TAF2: variants seen among roughly 807,000 people sequenced by gnomAD.
TAF2 encodes the protein TATA-box binding protein associated factor 2.
In TAF2, 61 loss-of-function variants were observed where a neutral mutation model predicts 138.5. That is an observed-to-expected ratio of 0.44 (90% CI 0.36 to 0.54). The LOEUF (loss-of-function observed/expected upper bound fraction) is 0.54. TAF2 is among the 20% of genes least tolerant of loss of function. The pLI, the probability that TAF2 is intolerant of heterozygous loss-of-function variation, is 0.00. For synonymous variants in TAF2, 475 were observed against 469.9 expected, an observed-to-expected ratio of 1.01 and a Z score of -0.14; for missense variants, 1,090 against 1,427.9, an observed-to-expected ratio of 0.76 and a Z score of 3.81.
chr8:119,801,954 G>T lies in TAF2; in HGVS notation c.632C>A (p.Ala211Glu). ...ATCGCCATTAGAAACAGCAACCATT[G>T]CAGCATCTACTGTAAATTCTAATTT... Reference protein sequence around the residue: ...TWKLEFTVDAAMVAVSNGDLV... With the variant: ...TWKLEFTVDAEMVAVSNGDLV... Residue 211 changes from alanine (A) to glutamate (E), a missense_variant, in exon 6 of 26, where the codon GCA becomes GAA. Coordinates refer to ENST00000378164, the MANE Select transcript of TAF2 (RefSeq NM_003184.4). The T allele has an allele frequency of 6.2e-7, 1 of 1,614,134 alleles. No homozygotes were observed. Among genetic ancestry groups the T allele is most frequent in the African/African-American group, 1.3e-5 (1 of 75,028 alleles).
At chr8:119,769,209 A>T (rs1821656519) in intron 18 of TAF2, among the ~76,000 whole-genome samples, 2 of 152,198 alleles carry the variant, frequency 1.3e-5, no homozygotes, top group South Asian at 4.1e-4. Context: ...GCATTACCCA[A>T]CACAAACCCT....
chr8:119,803,641 G>C (rs768798432), intron 5 of TAF2, among the ~76,000 whole-genome samples: 8 of 150,166 alleles, frequency 5.3e-5, no homozygotes, highest in Admixed American at 2.0e-4. Context: ...GCAGTGAGCA[G>C]AGATAGCACC....
intron 2 of TAF2, among the ~76,000 whole-genome samples, chr8:119,829,082 A>C (rs1490207468): frequency 1.3e-5 from 2 of 152,184 alleles, no homozygotes; most frequent in African/African-American, 4.8e-5. Flanking sequence ...ACCAAAGACA[A>C]CAGTGGATGC....
intron 11 of TAF2, among the ~76,000 whole-genome samples, chr8:119,790,802 GT>G (rs11442915): frequency 1.3e-5 from 2 of 149,090 alleles, no homozygotes; most frequent in East Asian, 3.9e-4. Context: ...CACAATTCTA[GT>G]TTTTTTTTCT....
intron 3 of TAF2, among the ~76,000 whole-genome samples, chr8:119,812,745 GTGTGTGTATA>G (rs1194223816): frequency 9.5e-5 from 11 of 116,270 alleles, no homozygotes; most frequent in African/African-American, 3.0e-4. Flanking sequence ...GTGTGTGTGT[GTGTGTGTATA>G]TATGTGTGTA....
At chr8:119,745,012 CT>C (rs1819860399) in intron 23 of TAF2, 1 of 456,072 alleles carries the variant, frequency 2.2e-6, no homozygotes, top group South Asian at 1.5e-5. Context: ...TTACATGATG[CT>C]TCCTTGGCAA....
chr8:119,756,309 G>A (rs16893109), intron 21 of TAF2, among the ~76,000 whole-genome samples, 194 bp from the exon 22 acceptor site: 1 of 151,506 alleles, frequency 6.6e-6, no homozygotes, highest in Non-Finnish European at 1.5e-5. Context: ...TATTTATTAC[G>A]TGTTTTTTCA....
At chr8:119,775,800 G>A (rs1301346023) in intron 18 of TAF2, among the ~76,000 whole-genome samples, 1 of 152,036 alleles carries the variant, frequency 6.6e-6, no homozygotes. Context: ...GGAAATAATG[G>A]GAAAAATAAA....
chr8:119,832,573 C>T lies in TAF2; in HGVS notation c.-9G>A. 1 of 1,612,354 alleles carries T rather than the reference C, an allele frequency of 6.2e-7. No individual in the cohort carries two copies. The highest frequency in any genetic ancestry group is 8.5e-7 in the Non-Finnish European group (1 of 1,179,900). ...ACACCAGTCAGCGGCATGAAGCGGTCCCGCGGAGCTTGGCTTCCCGGCTTC... is the reference window on the plus strand; with the variant it reads ...ACACCAGTCAGCGGCATGAAGCGGTTCCGCGGAGCTTGGCTTCCCGGCTTC... On this transcript the variant is annotated 5_prime_UTR_variant, in exon 1 of 26. Coordinates refer to ENST00000378164, the MANE Select transcript of TAF2 (RefSeq NM_003184.4).
intron 21 of TAF2, among the ~76,000 whole-genome samples, chr8:119,756,700 C>G (rs1271300272): frequency 6.6e-6 from 1 of 152,008 alleles, no homozygotes; most frequent in Non-Finnish European, 1.5e-5. Context: ...AGAAGAGTAT[C>G]CTAAAAGAGG....
At chr8:119,780,780 A>G (rs1309680974) in intron 17 of TAF2, among the ~76,000 whole-genome samples, 1 of 151,932 alleles carries the variant, frequency 6.6e-6, no homozygotes, top group Non-Finnish European at 1.5e-5. Flanking sequence ...CTAAAAATAC[A>G]AAAAATTAGC....
chr8:119,828,654 T>C (rs1826248099), intron 2 of TAF2, among the ~76,000 whole-genome samples: 1 of 152,216 alleles, frequency 6.6e-6, no homozygotes, highest in Non-Finnish European at 1.5e-5. Flanking sequence ...ACTTCGGCCA[T>C]ACTACCAGCT....
In TAF2 at chr8:119,766,793, C is replaced by T. The variant is rs80211485; in HGVS notation, c.2365-4185G>A. Among the ~76,000 whole-genome samples the T allele has an allele frequency of 5.8e-3, 886 of 152,054 alleles. 29 individuals are homozygous for T. The East Asian group carries it at 0.11, about 19-fold the overall frequency. On this transcript the variant is annotated intron_variant, in intron 18 of 25. Coordinates refer to ENST00000378164, the MANE Select transcript of TAF2 (RefSeq NM_003184.4). The stretch of plus-strand genomic sequence containing the variant: ...AGGTTGCTGTGGGCCGAGATCACAC[C>T]GCTGTACTCCAGCCTGGGCAGGAGA...
chr8:119,762,293 A>C, intron 19 of TAF2, 122 bp downstream of exon 19: 1 of 917,140 alleles, frequency 1.1e-6, no homozygotes, highest in Non-Finnish European at 1.6e-6. Context: ...GGGTGGTAGA[A>C]TCATACAGAA....
chr8:119,776,931 C>G (rs1350000678), intron 18 of TAF2, among the ~76,000 whole-genome samples: 1 of 152,224 alleles, frequency 6.6e-6, no homozygotes, highest in East Asian at 1.9e-4. Context: ...GGTTCCATAT[C>G]CATGGATTCT....
chr8:119,766,709 C>T (rs1396598068), intron 18 of TAF2, among the ~76,000 whole-genome samples: 1 of 152,058 alleles, frequency 6.6e-6, no homozygotes, highest in Non-Finnish European at 1.5e-5. Context: ...TGGTGGATGC[C>T]TGTAATCCCA....
intron 2 of TAF2, among the ~76,000 whole-genome samples, chr8:119,825,374 G>A (rs1185788670): frequency 6.6e-6 from 1 of 152,214 alleles, no homozygotes; most frequent in African/African-American, 2.4e-5. Flanking sequence ...TGATTTCACA[G>A]GCTCATAGGC....
intron 1 of TAF2, among the ~76,000 whole-genome samples, chr8:119,832,169 A>C: frequency 6.6e-6 from 1 of 151,870 alleles, no homozygotes; most frequent in Non-Finnish European, 1.5e-5. Context: ...AAATTAAAAA[A>C]TTAAAAAAAA....
intron 3 of TAF2, among the ~76,000 whole-genome samples, chr8:119,811,564 T>C (rs1393381540): frequency 1.3e-5 from 2 of 151,886 alleles, no homozygotes; most frequent in Non-Finnish European, 1.5e-5. Context: ...CCCAGCACTT[T>C]GGGAGGCCGA....
Sources: allele counts gnomAD v4.1 joint callset (sites outside exome capture counted in the v4.1 genomes callset), GRCh38; gene constraint gnomAD v4.1.1; transcripts MANE v1.5; gene names NCBI Gene and HGNC (gene_info 2026-07-23, HGNC 2026-07-21).